SNTG1: variants seen among roughly 807,000 people sequenced by gnomAD.
SNTG1 encodes the protein gamma-1-syntrophin.
Under a neutral mutation model 74.7 loss-of-function variants are expected in SNTG1, and 39 were observed. The observed-to-expected ratio is 0.52, with a 90% CI of 0.40 to 0.68. SNTG1 has a LOEUF of 0.68. Ranked by LOEUF, SNTG1 falls within the 30% of genes least tolerant of loss-of-function variation. The pLI is 0.00. For missense variants in SNTG1, 685 were observed against 609.5 expected, an observed-to-expected ratio of 1.12 and a Z score of -1.30; for synonymous variants, 254 against 217.1, an observed-to-expected ratio of 1.17 and a Z score of -1.49.
Position 50,483,638 on chromosome 8 carries a change from G to A in SNTG1, c.364-19140G>A, listed in dbSNP as rs143593711. Among the ~76,000 whole-genome samples the A allele has an allele frequency of 1.6e-3, 241 of 152,088 alleles. 1 individual carries two copies. The highest frequency in any genetic ancestry group is 5.3e-3 in the African/African-American group (219 of 41,500). On this transcript the variant is annotated intron_variant, in intron 8 of 18. Coordinates refer to ENST00000642720, the MANE Select transcript of SNTG1 (RefSeq NM_018967.5). ...TGTTCAAATGACTCATGCAGTGGAC[G>A]GAAATGACAGTATATGGCAGGGAAC...
chr8:50,763,001 T>A (rs2095603353), intron 18 of SNTG1, among the ~76,000 whole-genome samples: 1 of 151,862 alleles, frequency 6.6e-6, no homozygotes, highest in Non-Finnish European at 1.5e-5. Context: ...ATAACTATGC[T>A]CCCCTAGAGT....
At chr8:50,347,818 G>A (rs1344852515) in intron 2 of SNTG1, among the ~76,000 whole-genome samples, 1 of 152,194 alleles carries the variant, frequency 6.6e-6, no homozygotes, top group Admixed American at 6.5e-5. Flanking sequence ...TCAATTGCAT[G>A]GGTAAGACAT....
At chr8:50,035,681 TC>T (rs1818096327) in intron 1 of SNTG1, among the ~76,000 whole-genome samples, 1 of 152,010 alleles carries the variant, frequency 6.6e-6, no homozygotes, top group African/African-American at 2.4e-5. Flanking sequence ...AAGAAAAGAC[TC>T]CCCAAAACTC....
intron 12 of SNTG1, among the ~76,000 whole-genome samples, chr8:50,584,679 T>C (rs1317078936): frequency 6.6e-6 from 1 of 152,102 alleles, no homozygotes; most frequent in East Asian, 1.9e-4. Context: ...GGTAGCCCTC[T>C]AGGTTTTAGT....
chr8:50,399,601 T>C (rs1265260990), intron 3 of SNTG1, among the ~76,000 whole-genome samples: 1 of 152,192 alleles, frequency 6.6e-6, no homozygotes, highest in African/African-American at 2.4e-5. Context: ...AAAAATGTCC[T>C]GGAATATACT....
intron 12 of SNTG1, among the ~76,000 whole-genome samples, chr8:50,571,831 A>G (rs1379990564): frequency 2.0e-5 from 3 of 152,164 alleles, no homozygotes; most frequent in Non-Finnish European, 2.9e-5. Flanking sequence ...ATGAAAGGCC[A>G]TTAGAAAATT....
intron 4 of SNTG1, among the ~76,000 whole-genome samples, chr8:50,411,942 A>C (rs2092954794): frequency 6.6e-6 from 1 of 152,132 alleles, no homozygotes. Context: ...CCCAGGGACT[A>C]CTGCCTGTGT....
At chr8:50,077,314 A>G (rs1232883023) in intron 1 of SNTG1, among the ~76,000 whole-genome samples, 4 of 152,182 alleles carry the variant, frequency 2.6e-5, no homozygotes. Flanking sequence ...TTTCTGGCAC[A>G]TATCTGGCAT....
chr8:49,949,089 C>T (rs983710458), intron 1 of SNTG1, among the ~76,000 whole-genome samples: 1 of 152,130 alleles, frequency 6.6e-6, no homozygotes, highest in Non-Finnish European at 1.5e-5. Flanking sequence ...CACTACACAC[C>T]TTTAGTGTTT....
At chr8:50,646,723 A>C (rs1271420670) in intron 13 of SNTG1, among the ~76,000 whole-genome samples, 1 of 152,176 alleles carries the variant, frequency 6.6e-6, no homozygotes, top group Non-Finnish European at 1.5e-5. Flanking sequence ...CTCTTTCTAA[A>C]GTTTATATGG....
chr8:50,179,189 A>G (rs572877127), intron 2 of SNTG1, among the ~76,000 whole-genome samples: 3 of 152,086 alleles, frequency 2.0e-5, no homozygotes, highest in African/African-American at 4.8e-5. Flanking sequence ...TGCCAGTACC[A>G]TATTGTTCTT....
intron 4 of SNTG1, among the ~76,000 whole-genome samples, chr8:50,415,679 T>C (rs556129824): frequency 9.6e-4 from 146 of 152,304 alleles, no homozygotes; most frequent in African/African-American, 3.4e-3. Context: ...TTTTTGTATT[T>C]AATCCACATA....
At chr8:50,671,394 G>C (rs1443762348) in intron 15 of SNTG1, among the ~76,000 whole-genome samples, 1 of 151,780 alleles carries the variant, frequency 6.6e-6, no homozygotes, top group South Asian at 2.1e-4. Context: ...GACATGAACA[G>C]ACACTTCTCA....
intron 1 of SNTG1, among the ~76,000 whole-genome samples, chr8:49,981,240 T>C (rs904104734): frequency 2.0e-5 from 3 of 151,712 alleles, no homozygotes; most frequent in African/African-American, 7.3e-5. Flanking sequence ...TAATAGCAAA[T>C]GAAGAAAAGG....
At position 49,914,361 on chromosome 8, in the gene SNTG1, T is replaced by TA. The variant is rs10563690; in HGVS notation, c.-103+2145dup. On this transcript the variant is annotated intron_variant, in intron 1 of 18. Transcript: ENST00000642720. ...ACCAAACACACTATCTTTTCCCCATTAAAAAAAAAAAAAAAGTTTTATTGG... is the reference window on the plus strand; with the variant it reads ...ACCAAACACACTATCTTTTCCCCATTAAAAAAAAAAAAAAAAGTTTTATTGG... 3.0e-3 allele frequency among the ~76,000 whole-genome samples: 438 copies of TA among 145,054 alleles called. 3 individuals are homozygous for TA. Among genetic ancestry groups the TA allele is most frequent in the African/African-American group, 8.2e-3 (319 of 38,812 alleles).
At position 50,749,410 on chromosome 8, in the gene SNTG1, G is replaced by A. The variant is rs117502211; in HGVS notation, c.1285-2591G>A. ...TGAAGCAGCAAGTGCTGATGGAGAA[G>A]CTACAGCAAGTTATCCGAAGATCTA... On this transcript the variant is annotated intron_variant, in intron 17 of 18. Coordinates refer to ENST00000642720, the MANE Select transcript of SNTG1 (RefSeq NM_018967.5). Among the ~76,000 whole-genome samples, 947 of 152,204 alleles carry A rather than the reference G, an allele frequency of 6.2e-3. 3 individuals carry two copies. Among genetic ancestry groups the A allele is most frequent in the Non-Finnish European group, 9.3e-3 (635 of 67,980 alleles).
intron 12 of SNTG1, among the ~76,000 whole-genome samples, chr8:50,566,395 T>A (rs751773674): frequency 6.6e-6 from 1 of 152,000 alleles, no homozygotes; most frequent in Non-Finnish European, 1.5e-5. Context: ...GACAAATGGG[T>A]CAAATTTTGG....
At chr8:50,621,641 C>T (rs992633644) in intron 13 of SNTG1, among the ~76,000 whole-genome samples, 4 of 152,096 alleles carry the variant, frequency 2.6e-5, no homozygotes, top group Admixed American at 6.5e-5. Flanking sequence ...AATTCCTCAG[C>T]CTGAGACAGC....
At chr8:50,034,815 G>A (rs1055544584) in intron 1 of SNTG1, among the ~76,000 whole-genome samples, 4 of 152,216 alleles carry the variant, frequency 2.6e-5, no homozygotes, top group African/African-American at 9.7e-5. Flanking sequence ...CATGCAGCCT[G>A]TGGGCCACAG....
Sources: gnomAD v4.1 joint callset for allele counts (sites outside exome capture counted in the v4.1 genomes callset) on GRCh38, gnomAD v4.1.1 for gene constraint, MANE v1.5 for transcripts, NCBI Gene and HGNC (gene_info 2026-07-23, HGNC 2026-07-21) for gene names.